The following SRD5A1 variants were observed in gnomAD, a reference collection of about 807,000 sequenced individuals.
SRD5A1 encodes 3-oxo-5-alpha-steroid 4-dehydrogenase 1.
A neutral mutation model predicts 28.2 loss-of-function variants in SRD5A1; 22 were observed. That is an observed-to-expected ratio of 0.78 (90% confidence interval 0.56 to 1.12). SRD5A1 has a LOEUF of 1.12. SRD5A1 is among the 50% of genes most tolerant of loss of function. The pLI, the probability that SRD5A1 is intolerant of heterozygous loss-of-function variation, is 0.00. For missense variants in SRD5A1, 300 were observed against 346.7 expected (o/e 0.87, Z 1.07); for synonymous variants, 151 against 135.0 (o/e 1.12, Z -0.82).
chr5:6,672,003 T>G lies in SRD5A1; in HGVS notation c.*3735T>G, dbSNP rs575823483. 1 of 152,296 alleles carries G rather than the reference T, an allele frequency of 6.6e-6. No homozygotes were observed. Among genetic ancestry groups the G allele is most frequent in the South Asian group, 2.1e-4 (1 of 4,822 alleles). 9.4% of individuals were successfully genotyped at this position (152,296 alleles called of 1,614,324 possible). A position where few individuals can be genotyped will look rare whatever the true frequency, so the allele number is the denominator to read the frequency against. Reference sequence around the variant, plus strand: ...ATGAACGTTTGTTATTTCCTGGTGCTTAGGGAAGAAAATAATTGATGTTGT... The same window carrying G: ...ATGAACGTTTGTTATTTCCTGGTGCGTAGGGAAGAAAATAATTGATGTTGT... On this transcript the variant is annotated 3_prime_UTR_variant, in exon 5 of 5. Transcript: ENST00000274192.
At chr5:6,640,168 T>C (rs1738318835) in intron 1 of SRD5A1, among the ~76,000 whole-genome samples, 1 of 152,190 alleles carries the variant, frequency 6.6e-6, no homozygotes, top group East Asian at 1.9e-4. Context: ...GCCTCTGTGA[T>C]GTTCTCTGGC....
In SRD5A1 at chr5:6,633,441, C is replaced by G; in HGVS notation, c.-136C>G. ...CCCGGAGAAGCCTGACTTGAGAACCCTTTCTGCAGAGTCCCGGCAGTGCGG... is the reference window on the plus strand; with the variant it reads ...CCCGGAGAAGCCTGACTTGAGAACCGTTTCTGCAGAGTCCCGGCAGTGCGG... On this transcript the variant is annotated 5_prime_UTR_variant, in exon 1 of 5. Coordinates refer to ENST00000274192, the MANE Select transcript of SRD5A1 (RefSeq NM_001047.4). 2 of 1,066,862 alleles carry G rather than the reference C, an allele frequency of 1.9e-6. No individual in the cohort carries two copies. The highest frequency in any genetic ancestry group is 2.5e-6 in the Non-Finnish European group (2 of 794,674). 66.1% of individuals were successfully genotyped at this position (1,066,862 alleles called of 1,614,324 possible).
chr5:6,654,213 C>T (rs1738768416), intron 2 of SRD5A1, among the ~76,000 whole-genome samples: 3 of 151,894 alleles, frequency 2.0e-5, no homozygotes, highest in Admixed American at 2.0e-4. Flanking sequence ...CCACTATGCC[C>T]AACTAATTTT....
Position 6,633,705 on chromosome 5 carries a change from G to T in SRD5A1, c.129G>T (p.Leu43=), listed in dbSNP as rs765015938. 1.9e-6 allele frequency: 3 copies of T among 1,590,924 alleles called. No homozygotes were observed. Among genetic ancestry groups the T allele is most frequent in the East Asian group, 2.2e-5 (1 of 44,450 alleles). The part of the protein sequence containing the change: ...QTNSVYGRHA[L]PSHRLRVPAR... The stretch of plus-strand genomic sequence containing the variant: ...ACTCAGTGTACGGCCGCCACGCGCT[G>T]CCCAGCCACAGGCTCCGAGTGCCGG... The change falls in exon 1 of 5, where the codon CTG becomes CTT. Residue 43 remains leucine, a synonymous_variant. Coordinates refer to ENST00000274192, the MANE Select transcript of SRD5A1 (RefSeq NM_001047.4).
chr5:6,667,398 G>C (rs898761226), intron 4 of SRD5A1, among the ~76,000 whole-genome samples: 4 of 152,182 alleles, frequency 2.6e-5, no homozygotes, highest in African/African-American at 9.6e-5. Context: ...GCAGGGTTTT[G>C]CCAACTCCCT....
intron 4 of SRD5A1, among the ~76,000 whole-genome samples, chr5:6,667,234 A>T (rs1250307756): frequency 6.6e-6 from 1 of 152,214 alleles, no homozygotes; most frequent in Non-Finnish European, 1.5e-5. Context: ...TGCCAGGGGA[A>T]GTGACGCTTG....
chr5:6,654,288 C>T (rs1738771278), intron 2 of SRD5A1, among the ~76,000 whole-genome samples: 1 of 151,888 alleles, frequency 6.6e-6, no homozygotes, highest in African/African-American at 2.4e-5. Flanking sequence ...GACTCCTGAC[C>T]TCAGGTGATT....
At chr5:6,667,469 A>G (rs149728322) in intron 4 of SRD5A1, among the ~76,000 whole-genome samples, 105 of 152,198 alleles carry the variant, frequency 6.9e-4, no homozygotes, top group African/African-American at 2.5e-3. Flanking sequence ...GCTTTCTATC[A>G]TGATTTTTAG....
chr5:6,659,374 A>G (rs1738935435), intron 3 of SRD5A1, among the ~76,000 whole-genome samples: 1 of 152,134 alleles, frequency 6.6e-6, no homozygotes, highest in East Asian at 2.0e-4. Context: ...TGGCCTCCCA[A>G]AGTGCTGGGA....
At chr5:6,666,214 C>G (rs1390485163) in intron 4 of SRD5A1, among the ~76,000 whole-genome samples, 1 of 151,970 alleles carries the variant, frequency 6.6e-6, no homozygotes, top group Non-Finnish European at 1.5e-5. Context: ...GTGGCGCGAT[C>G]TCGGCTCACT....
intron 1 of SRD5A1, among the ~76,000 whole-genome samples, chr5:6,647,591 A>G (rs981892917): frequency 6.6e-6 from 1 of 151,768 alleles, no homozygotes; most frequent in African/African-American, 2.4e-5. Context: ...TAGGATTGCA[A>G]CCCCTGCTTT....
At chr5:6,658,639 T>A (rs1738903324) in intron 3 of SRD5A1, among the ~76,000 whole-genome samples, 1 of 152,114 alleles carries the variant, frequency 6.6e-6, no homozygotes, top group South Asian at 2.1e-4. Flanking sequence ...ATGGGACACA[T>A]GAGACTTAGG....
intron 4 of SRD5A1, among the ~76,000 whole-genome samples, chr5:6,666,496 T>C (rs1166307735): frequency 6.6e-6 from 1 of 152,200 alleles, no homozygotes; most frequent in Non-Finnish European, 1.5e-5. Context: ...AATCTTTCTA[T>C]AATAATCAGT....
rs144186538 is a variant in SRD5A1 at position 6,662,910 on chromosome 5, G to A, written c.657G>A (p.Ala219=). 106 of 1,613,898 alleles carry A rather than the reference G, an allele frequency of 6.6e-5. No individual in the cohort carries two copies. Among genetic ancestry groups the A allele is most frequent in the African/African-American group, 3.9e-4 (29 of 74,920 alleles). Residue 219 remains alanine, a synonymous_variant, in exon 4 of 5, where the codon GCG becomes GCA. Transcript: ENST00000274192. ...YALASWSVQG[A]AFAFFTFCFL... ...TGGCCAGCTGGTCTGTCCAAGGCGC[G>A]GCTTTTGCTTTCTTCACGTTTTGTT...
chr5:6,633,570 C>T lies in SRD5A1; in HGVS notation c.-7C>T, dbSNP rs1348835773. The T allele has an allele frequency of 6.6e-7, 1 of 1,515,760 alleles. No homozygotes were observed. Among genetic ancestry groups the T allele is most frequent in the Non-Finnish European group, 8.8e-7 (1 of 1,139,332 alleles). 93.9% of individuals were successfully genotyped at this position (1,515,760 alleles called of 1,614,324 possible). On this transcript the variant is annotated 5_prime_UTR_variant, in exon 1 of 5. Transcript: ENST00000274192. ...TGGGGCATGGAGCACGCTGCCCAGC[C>T]CTGGCGATGGCAACGGCGACGGGGG...
At chr5:6,651,752 A>C in intron 1 of SRD5A1, 90 bp from the exon 2 acceptor site, 1 of 1,247,554 alleles carries the variant, frequency 8.0e-7, no homozygotes, top group South Asian at 1.5e-5. Flanking sequence ...CAAGAAAGTA[A>C]GATTTAAAAC....
rs1359951469 is a variant in SRD5A1 at position 6,673,222 on chromosome 5, G to A, written c.*4954G>A. On this transcript the variant is annotated 3_prime_UTR_variant, in exon 5 of 5. Transcript: ENST00000274192. ...AGGGAATGTTGGCGCAATCAGTCTA[G>A]AAACATATTTCTCCCATAACAATAA... The A allele has an allele frequency of 6.6e-6, 1 of 152,184 alleles. No individual in the cohort carries two copies. Among genetic ancestry groups the A allele is most frequent in the Non-Finnish European group, 1.5e-5 (1 of 68,040 alleles). 9.4% of individuals were successfully genotyped at this position (152,184 alleles called of 1,614,324 possible). A position where few individuals can be genotyped will look rare whatever the true frequency, so the allele number is the denominator to read the frequency against.
At chr5:6,659,583 C>A (rs11134173) in intron 3 of SRD5A1, among the ~76,000 whole-genome samples, 49,537 of 152,034 alleles carry the variant, frequency 0.33, 8,367 homozygotes, top group Middle Eastern at 0.41. Flanking sequence ...AAACAAGACA[C>A]AAGAGCGTCT....
Position 6,656,011 on chromosome 5 carries a change from G to T in SRD5A1, c.461-67G>T. 7.6e-6 allele frequency: 9 copies of T among 1,187,452 alleles called. No homozygotes were observed. The South Asian group carries it at 9.8e-5, about 13-fold the overall frequency. The allele number at this position is 1,187,452 out of a possible 1,614,324, so 73.6% of individuals were successfully genotyped here. On this transcript the variant is annotated intron_variant, in intron 2 of 4. Transcript: ENST00000274192. ...GGGTTGCAATAATACTGTTCAGTCAGGCTGGGGCTCGTAGTGAAATTTTAC... is the reference window on the plus strand; with the variant it reads ...GGGTTGCAATAATACTGTTCAGTCATGCTGGGGCTCGTAGTGAAATTTTAC...
Sources: gnomAD v4.1 joint callset for allele counts (sites outside exome capture counted in the v4.1 genomes callset) on GRCh38, gnomAD v4.1.1 for gene constraint, MANE v1.5 for transcripts, NCBI Gene and HGNC (gene_info 2026-07-23, HGNC 2026-07-21) for gene names.